ARFGAP3: variants seen among roughly 807,000 people sequenced by gnomAD.
ARFGAP3 encodes ARF GTPase activating protein 3.
ARFGAP3 carries 72 observed loss-of-function variants against 75.0 expected under a neutral mutation model. That is an observed-to-expected ratio of 0.96 (90% CI 0.79 to 1.17). ARFGAP3 has a LOEUF of 1.17. Among genes scored for constraint, ARFGAP3 ranks in the 50% most tolerant of loss-of-function variants. The probability of loss-of-function intolerance (pLI) is 0.00; values close to 1 mark genes in which losing one functional copy is unlikely to be tolerated. For synonymous variants in ARFGAP3, 221 were observed against 217.9 expected (o/e 1.01, Z -0.13); for missense variants, 620 against 626.6 (o/e 0.99, Z 0.11).
rs1569136779 is a variant in ARFGAP3 at position 42,807,077 on chromosome 22, T to C, written c.1407A>G (p.Pro469=). Residue 469 remains proline (P), a synonymous_variant, in exon 14 of 16, where the codon CCA becomes CCG. Coordinates refer to ENST00000263245, the MANE Select transcript of ARFGAP3 (RefSeq NM_014570.5). ...CTCTTGTTCAGTGCCCCCTACCTGC[T>C]GGCTGCTTCCTCGGCTCCTCGAACA... ...ADLFEEPRKQ[P]AGNYSLSSVL... is the part of the protein sequence containing the mutation. 5 of 1,610,230 alleles carry C rather than the reference T, an allele frequency of 3.1e-6. No homozygotes were observed. The highest frequency in any genetic ancestry group is 4.2e-6 in the Non-Finnish European group (5 of 1,178,382).
chr22:42,801,801 G>T (rs1924872724), intron 14 of ARFGAP3, among the ~76,000 whole-genome samples: 1 of 152,216 alleles, frequency 6.6e-6, no homozygotes, highest in Non-Finnish European at 1.5e-5. Context: ...TCCACTGGGG[G>T]AGACGGTCTT....
intron 7 of ARFGAP3, among the ~76,000 whole-genome samples, chr22:42,826,036 G>T (rs1166205228): frequency 6.6e-6 from 1 of 152,094 alleles, no homozygotes; most frequent in Non-Finnish European, 1.5e-5. Context: ...TTTCAGATTT[G>T]TATTGTAGTA....
Position 42,857,169 on chromosome 22 carries a change from C to T in ARFGAP3, c.14G>A (p.Ser5Asn). Residue 5 changes from serine to asparagine, a missense_variant, in exon 1 of 16, where the codon AGC becomes AAC. Coordinates refer to ENST00000263245, the MANE Select transcript of ARFGAP3 (RefSeq NM_014570.5). Reference protein sequence around the residue: MGDPSKQDILTIFKR... With the variant: MGDPNKQDILTIFKR... ...GAAGATGGTCAAGATGTCCTGCTTG[C>T]TGGGGTCCCCCATCGTCAGCTGTGA... The T allele has an allele frequency of 6.6e-7, 1 of 1,516,214 alleles. No individual in the cohort carries two copies. The highest frequency in any genetic ancestry group is 8.9e-7 in the Non-Finnish European group (1 of 1,129,742). The allele number at this position is 1,516,214 out of a possible 1,614,324, so 93.9% of individuals were successfully genotyped here. A position where few individuals can be genotyped will look rare whatever the true frequency, so the allele number is the denominator to read the frequency against.
chr22:42,815,211 C>T (rs1038181410), intron 11 of ARFGAP3, among the ~76,000 whole-genome samples: 3 of 152,168 alleles, frequency 2.0e-5, no homozygotes, highest in African/African-American at 4.8e-5. Flanking sequence ...TGATCTGACA[C>T]GTATGTAGTT....
intron 14 of ARFGAP3, among the ~76,000 whole-genome samples, chr22:42,804,442 T>C (rs2899363): frequency 0.46 from 64,942 of 142,270 alleles, 15,111 homozygotes; most frequent in African/African-American, 0.49. Context: ...AGTGCAGCGG[T>C]GTGATCTCGG....
rs1362888552 is a variant in ARFGAP3, at chr22:42,832,941, C to T, written c.477+1301G>A. The stretch of plus-strand genomic sequence containing the variant: ...TGGATGTTGCAGTGAGCCGAGATCG[C>T]GCCATTGCGCTACAGCCTGGGAAAC... On this transcript the variant is annotated intron_variant, in intron 5 of 15. Coordinates refer to ENST00000263245, the MANE Select transcript of ARFGAP3 (RefSeq NM_014570.5). Among the ~76,000 whole-genome samples the T allele has an allele frequency of 4.6e-5, 7 of 151,160 alleles. No individual in the cohort carries two copies. The East Asian group carries it at 5.8e-4, about 13-fold the overall frequency.
At position 42,835,390 on chromosome 22, in the gene ARFGAP3, G is replaced by A; in HGVS notation, c.365C>T (p.Ser122Phe). Residue 122 changes from serine (S) to phenylalanine (F), a missense_variant, in exon 4 of 16, where the codon TCT becomes TTT. By Grantham distance (155) the Ser-to-Phe change is radical (BLOSUM62 -2). Transcript: ENST00000263245. ...LYREKIKSLA[S>F]QATRKHGTDL... ...AGTGCCATGCTTCCGTGTTGCTTGA[G>A]AGGCGAGCGATTTGATTTTCTCCCT... is the stretch of plus-strand genomic sequence containing the variant. The A allele has an allele frequency of 6.2e-7, 1 of 1,614,128 alleles. No homozygotes were observed. The highest frequency in any genetic ancestry group is 8.5e-7 in the Non-Finnish European group (1 of 1,179,994).
chr22:42,847,851 GT>G, intron 1 of ARFGAP3: 1 of 176,326 alleles, frequency 5.7e-6, no homozygotes, highest in Non-Finnish European at 1.1e-5. Context: ...AATTAGTATA[GT>G]TAATTACTAT....
intron 1 of ARFGAP3, among the ~76,000 whole-genome samples, chr22:42,850,625 T>C (rs565832155): frequency 1.5e-4 from 22 of 148,738 alleles, no homozygotes; most frequent in Non-Finnish European, 2.5e-4. Flanking sequence ...GAATCACTTA[T>C]GTGAAGGTTG....
rs1926060167 is a variant in ARFGAP3, at chr22:42,826,830, G to A, written c.625+110C>T. On this transcript the variant is annotated intron_variant, in intron 7 of 15. Coordinates refer to ENST00000263245, the MANE Select transcript of ARFGAP3 (RefSeq NM_014570.5). ...AAATCTTATTAACAGATTCGGTCAT[G>A]ATTATATTACTCCGTCAGGTGAGAT... The A allele has an allele frequency of 4.0e-6, 3 of 759,130 alleles. No individual in the cohort carries two copies. In the East Asian group the frequency reaches 8.1e-5, roughly 21 times the overall value. 47.0% of individuals were successfully genotyped at this position (759,130 alleles called of 1,614,324 possible). A position where few individuals can be genotyped will look rare whatever the true frequency, so the allele number is the denominator to read the frequency against.
In ARFGAP3 at chr22:42,841,151, CTT is replaced by C. The variant is rs566015120; in HGVS notation, c.189-137_189-136del. ...AAGTTTGTGTCAACAAGGACCCACA[CTT>C]TTGGGATGCTAGGACTCCAGAGTGG... On this transcript the variant is annotated intron_variant, in intron 2 of 15. Coordinates refer to ENST00000263245, the MANE Select transcript of ARFGAP3 (RefSeq NM_014570.5). 1.5e-4 allele frequency: 213 copies of C among 1,449,822 alleles called. No homozygotes were observed. The African/African-American group carries it at 2.9e-3, about 20-fold the overall frequency. The allele number at this position is 1,449,822 out of a possible 1,614,324, so 89.8% of individuals were successfully genotyped here.
chr22:42,806,125 C>T (rs1482400927), intron 14 of ARFGAP3, among the ~76,000 whole-genome samples: 1 of 152,224 alleles, frequency 6.6e-6, no homozygotes, highest in African/African-American at 2.4e-5. Flanking sequence ...CTCCTCTAGG[C>T]CTAGGGATGC....
chr22:42,848,777 C>T (rs1351712691), intron 1 of ARFGAP3, among the ~76,000 whole-genome samples: 3 of 152,192 alleles, frequency 2.0e-5, no homozygotes, highest in African/African-American at 7.2e-5. Context: ...TCCAAGATGG[C>T]CCCAGTGAAA....
chr22:42,824,185 T>A (rs1423525984), intron 7 of ARFGAP3, among the ~76,000 whole-genome samples: 1 of 146,280 alleles, frequency 6.8e-6, no homozygotes, highest in Non-Finnish European at 1.5e-5. Flanking sequence ...TTTTTTTTTT[T>A]TTTTTTTTTT....
intron 14 of ARFGAP3, 46 bp from the exon 15 acceptor site, chr22:42,799,206 GC>G: frequency 6.2e-7 from 1 of 1,604,846 alleles, no homozygotes; most frequent in Non-Finnish European, 8.5e-7. Flanking sequence ...CCTGGCCACA[GC>G]TGCGGCAAAC....
At chr22:42,845,771 G>A (rs1303412405) in intron 2 of ARFGAP3, among the ~76,000 whole-genome samples, 4 of 152,062 alleles carry the variant, frequency 2.6e-5, no homozygotes, top group Non-Finnish European at 5.9e-5. Flanking sequence ...CAGGCACAGT[G>A]GCTCACGCCC....
At chr22:42,845,844 C>T (rs973037462) in intron 2 of ARFGAP3, among the ~76,000 whole-genome samples, 1 of 151,954 alleles carries the variant, frequency 6.6e-6, no homozygotes, top group Non-Finnish European at 1.5e-5. Context: ...TCAAGACCAT[C>T]CTGGCCAACA....
At chr22:42,805,227 C>A (rs1464371016) in intron 14 of ARFGAP3, among the ~76,000 whole-genome samples, 2 of 152,180 alleles carry the variant, frequency 1.3e-5, no homozygotes. Context: ...GATCTTTGTT[C>A]TCTGAAAGGG....
intron 12 of ARFGAP3, among the ~76,000 whole-genome samples, chr22:42,810,492 CA>C (rs1925318472): frequency 6.6e-6 from 1 of 151,360 alleles, no homozygotes; most frequent in Admixed American, 6.6e-5. Flanking sequence ...AACAAAAAAA[CA>C]AAATCAAAAC....
Sources: allele counts gnomAD v4.1 joint callset (sites outside exome capture counted in the v4.1 genomes callset), GRCh38; gene constraint gnomAD v4.1.1; transcripts MANE v1.5; gene names NCBI Gene and HGNC (gene_info 2026-07-23, HGNC 2026-07-21).